Variants in IFT43 observed in about 807,000 individuals in gnomAD.
The protein encoded by IFT43 is intraflagellar transport 43, also known as intraflagellar transport protein 43 homolog.
IFT43 carries 33 observed loss-of-function variants against 32.3 expected under a neutral mutation model. That is an observed-to-expected ratio of 1.02 (90% confidence interval 0.77 to 1.37). The LOEUF (loss-of-function observed/expected upper bound fraction) is 1.37, where lower values mean the gene tolerates loss of function less well. IFT43 is among the 40% of genes most tolerant of loss of function. The pLI, the probability that IFT43 is intolerant of heterozygous loss-of-function variation, is 0.00. For missense variants in IFT43, 274 were observed against 265.9 expected, an observed-to-expected ratio of 1.03 and a Z score of -0.21; for synonymous variants, 93 against 98.2, an observed-to-expected ratio of 0.95 and a Z score of 0.31.
rs2035795597 is a variant in IFT43, at chr14:75,998,811, T to A, written c.147+9834T>A. On this transcript the variant is annotated intron_variant, in intron 2 of 8. Transcript: ENST00000314067. ...TGTTGAAAGAATTCAGTGACTAGGC[T>A]ATGACATGTACTCTGGGGCTCAAGC... is the stretch of plus-strand genomic sequence containing the variant. Among the ~76,000 whole-genome samples the A allele has an allele frequency of 2.0e-5, 3 of 152,328 alleles. No individual in the cohort carries two copies. In the South Asian group the frequency reaches 6.2e-4, roughly 32 times the overall value.
rs183769851 is a variant in IFT43, at chr14:76,022,312, T to C, written c.148-15T>C. On this transcript the variant is annotated splice_polypyrimidine_tract_variant and intron_variant, in intron 2 of 8. Coordinates refer to ENST00000314067, the MANE Select transcript of IFT43 (RefSeq NM_001102564.3). The stretch of plus-strand genomic sequence containing the variant: ...GTTGAGTGAATGTGTTCTTTTGACT[T>C]CTCTTTCCTTGTAGACTTCCTCTGC... The C allele has an allele frequency of 2.0e-3, 3,144 of 1,609,060 alleles. 20 individuals are homozygous for C. Among genetic ancestry groups the C allele is most frequent in the Non-Finnish European group, 1.8e-3 (2,076 of 1,175,448 alleles).
At chr14:76,009,612 C>G (rs1300588966) in intron 2 of IFT43, among the ~76,000 whole-genome samples, 7 of 152,146 alleles carry the variant, frequency 4.6e-5, no homozygotes, top group Non-Finnish European at 7.4e-5. Flanking sequence ...AGGTACCTTC[C>G]TCCTAGGTAC....
intron 5 of IFT43, among the ~76,000 whole-genome samples, chr14:76,063,356 C>T (rs2037176980): frequency 6.6e-6 from 1 of 152,206 alleles, no homozygotes; most frequent in Admixed American, 6.5e-5. Flanking sequence ...GCTTAGTATC[C>T]AGTCGGTCTG....
At chr14:76,031,916 A>G (rs149277874) in intron 3 of IFT43, among the ~76,000 whole-genome samples, 179 of 152,296 alleles carry the variant, frequency 1.2e-3, no homozygotes, top group Non-Finnish European at 1.8e-3. Context: ...ACTATCGTCT[A>G]CGCAGTGATG....
intron 3 of IFT43, among the ~76,000 whole-genome samples, chr14:76,046,012 A>C (rs1441698451): frequency 6.6e-6 from 1 of 152,180 alleles, no homozygotes; most frequent in East Asian, 1.9e-4. Context: ...AGACCGTGTC[A>C]TGTGATGTGG....
rs1566740420 is a variant in IFT43, at chr14:76,082,606, C to A, written c.369-11C>A. On this transcript the variant is annotated splice_polypyrimidine_tract_variant and intron_variant, in intron 6 of 8. Coordinates refer to ENST00000314067, the MANE Select transcript of IFT43 (RefSeq NM_001102564.3). ...CTGGGGTTCCCGCCTCTCGCTCTCT[C>A]TTTCCTTCAGCATCCAGATAAAGCG... 1.9e-6 allele frequency: 3 copies of A among 1,614,220 alleles called. No homozygotes were observed. Among genetic ancestry groups the A allele is most frequent in the East Asian group, 2.2e-5 (1 of 44,882 alleles).
chr14:75,999,243 ATAT>A (rs1566699157), intron 2 of IFT43, among the ~76,000 whole-genome samples: 75 of 25,166 alleles, frequency 3.0e-3, no homozygotes, highest in East Asian at 4.6e-3. Context: ...ATATATATAT[ATAT>A]ATATATATAT....
chr14:76,027,167 A>G (rs1026993855), intron 3 of IFT43, among the ~76,000 whole-genome samples: 5 of 152,188 alleles, frequency 3.3e-5, no homozygotes. Flanking sequence ...AATAATTTGT[A>G]CAACAAACCC....
At chr14:76,008,529 T>C (rs571912646) in intron 2 of IFT43, among the ~76,000 whole-genome samples, 90 of 152,242 alleles carry the variant, frequency 5.9e-4, no homozygotes, top group African/African-American at 2.0e-3. Flanking sequence ...AGTGGAGATA[T>C]GATGAGCACA....
chr14:76,040,047 G>A (rs1380140986), intron 3 of IFT43, among the ~76,000 whole-genome samples: 2 of 152,144 alleles, frequency 1.3e-5, no homozygotes, highest in African/African-American at 4.8e-5. Context: ...TGACCTCCCA[G>A]CCTCAAGCAA....
At chr14:76,027,430 A>G (rs1295814608) in intron 3 of IFT43, among the ~76,000 whole-genome samples, 3 of 151,974 alleles carry the variant, frequency 2.0e-5, no homozygotes, top group Non-Finnish European at 4.4e-5. Context: ...CTCAAGATTA[A>G]TGACATTCTC....
At chr14:75,999,262 TATATATATATGTATATATA>T (rs1183868335) in intron 2 of IFT43, among the ~76,000 whole-genome samples, 80 of 25,228 alleles carry the variant, frequency 3.2e-3, no homozygotes, top group Middle Eastern at 0.013. Context: ...TATATATATA[TATATATATATGTATATATA>T]TTTTTTTTTT....
intron 5 of IFT43, among the ~76,000 whole-genome samples, chr14:76,071,084 C>G (rs1378456382): frequency 6.6e-6 from 1 of 152,150 alleles, no homozygotes; most frequent in Non-Finnish European, 1.5e-5. Flanking sequence ...CTCAGTCTCC[C>G]TAACCTTTCC....
intron 2 of IFT43, among the ~76,000 whole-genome samples, chr14:75,999,741 G>A (rs1360669492): frequency 3.3e-5 from 5 of 152,158 alleles, no homozygotes; most frequent in African/African-American, 4.8e-5. Context: ...CATTTCTGGC[G>A]GCCTGCAAAG....
At chr14:76,075,767 C>A (rs1365522702) in intron 5 of IFT43, among the ~76,000 whole-genome samples, 1 of 152,220 alleles carries the variant, frequency 6.6e-6, no homozygotes, top group Admixed American at 6.5e-5. Flanking sequence ...CAATTTCTTT[C>A]ACTTAACTTC....
rs2036710976 is a variant in IFT43 at position 76,041,734 on chromosome 14, A to G, written c.216-16908A>G. On this transcript the variant is annotated intron_variant, in intron 3 of 8. Coordinates refer to ENST00000314067, the MANE Select transcript of IFT43 (RefSeq NM_001102564.3). Reference sequence around the variant, plus strand: ...ATCTTTTACCCACTTCAATACGTGTATGTACAAAAGTCTGTGTTTTTTTTT... The same window carrying G: ...ATCTTTTACCCACTTCAATACGTGTGTGTACAAAAGTCTGTGTTTTTTTTT... Among the ~76,000 whole-genome samples the G allele has an allele frequency of 2.6e-5, 3 of 114,476 alleles. No individual in the cohort carries two copies. In the South Asian group the frequency reaches 9.7e-4, roughly 37 times the overall value. The allele number at this position is 114,476 out of a possible 152,430, so 75.1% of individuals were successfully genotyped here.
At chr14:75,993,311 G>A (rs187707856) in intron 2 of IFT43, among the ~76,000 whole-genome samples, 193 of 152,276 alleles carry the variant, frequency 1.3e-3, no homozygotes, top group Non-Finnish European at 2.2e-3. Flanking sequence ...CAGATTTGGG[G>A]CTTCTCTTTA....
chr14:75,988,344 A>G (rs749035290), intron 1 of IFT43, among the ~76,000 whole-genome samples: 1 of 152,176 alleles, frequency 6.6e-6, no homozygotes, highest in Admixed American at 6.5e-5. Context: ...CCTGGGCAAC[A>G]GAGTGAGAAC....
chr14:76,056,263 C>T (rs2037012848), intron 3 of IFT43, among the ~76,000 whole-genome samples: 3 of 152,310 alleles, frequency 2.0e-5, no homozygotes, highest in Middle Eastern at 6.8e-3. Context: ...AGAGAGAACA[C>T]GCCACCTGAG....
Sources: allele counts gnomAD v4.1 joint callset (sites outside exome capture counted in the v4.1 genomes callset), GRCh38; gene constraint gnomAD v4.1.1; transcripts MANE v1.5; gene names NCBI Gene and HGNC (gene_info 2026-07-23, HGNC 2026-07-21).